Variants in SLC9D1 observed in about 807,000 individuals in gnomAD.
The protein encoded by SLC9D1 is solute carrier family 9 member D1.
chr13:113,510,166 C>T, the SLC9D1 span: 28 of 1,366,418 alleles, frequency 2.0e-5, no homozygotes, highest in Admixed American at 1.3e-4. Context: ...TGCAGAAATG[C>T]GTGAAGTCTG....
chr13:113,547,407 C>G, the SLC9D1 span: 2 of 1,576,536 alleles, frequency 1.3e-6, no homozygotes, highest in African/African-American at 1.3e-5. Flanking sequence ...CCACGCCCCT[C>G]GCAGTTTGCA....
the SLC9D1 span, chr13:113,547,126 G>A: frequency 4.3e-5 from 26 of 607,472 alleles, no homozygotes; most frequent in African/African-American, 4.3e-4. Context: ...TCCCCGGTTC[G>A]CTCAGGAAAG....
the SLC9D1 span, chr13:113,495,729 G>GTCC: frequency 6.2e-7 from 1 of 1,613,948 alleles, no homozygotes; most frequent in East Asian, 2.2e-5. Flanking sequence ...CCGGCAGTGG[G>GTCC]TCCGGGACAG....
the SLC9D1 span, chr13:113,495,721 G>C: frequency 1.9e-6 from 3 of 1,613,484 alleles, no homozygotes; most frequent in Non-Finnish European, 2.5e-6. Context: ...ATGCAGAGCC[G>C]GCAGTGGGTC....
At chr13:113,530,821 A>G in the SLC9D1 span, among the ~76,000 whole-genome samples, 1 of 152,220 alleles carries the variant, frequency 6.6e-6, no homozygotes, top group Non-Finnish European at 1.5e-5. Context: ...ATACCTTAAT[A>G]AGAAAAATAT....
At chr13:113,505,477 A>T in the SLC9D1 span, 1 of 152,246 alleles carries the variant, frequency 6.6e-6, no homozygotes, top group Non-Finnish European at 1.5e-5. Flanking sequence ...CTGCGGCGTG[A>T]CTACCATGGA....
At chr13:113,511,376 C>T in the SLC9D1 span, among the ~76,000 whole-genome samples, 3 of 152,216 alleles carry the variant, frequency 2.0e-5, no homozygotes, top group African/African-American at 7.2e-5. Context: ...AGGCTCTGTG[C>T]CGGCAACTGA....
the SLC9D1 span, chr13:113,548,542 A>G: frequency 7.0e-7 from 1 of 1,428,574 alleles, no homozygotes; most frequent in South Asian, 1.4e-5. Flanking sequence ...GCTCGGCAGC[A>G]CAGCGGGGCC....
chr13:113,510,091 C>T, the SLC9D1 span: 6 of 706,576 alleles, frequency 8.5e-6, no homozygotes, highest in Middle Eastern at 2.9e-4. Flanking sequence ...TGTGAGGATT[C>T]ACCATGTTCA....
chr13:113,532,824 G>A, the SLC9D1 span, among the ~76,000 whole-genome samples: 379 of 135,642 alleles, frequency 2.8e-3, no homozygotes, highest in African/African-American at 9.7e-3. Context: ...TCTGAAGGAC[G>A]CTGCCTCCCT....
chr13:113,513,601 A>G, the SLC9D1 span, among the ~76,000 whole-genome samples: 1 of 152,218 alleles, frequency 6.6e-6, no homozygotes, highest in African/African-American at 2.4e-5. Flanking sequence ...CCCACAGCAC[A>G]GTTAGAAATT....
At chr13:113,538,585 C>T in the SLC9D1 span, among the ~76,000 whole-genome samples, 2 of 152,242 alleles carry the variant, frequency 1.3e-5, no homozygotes, top group South Asian at 2.1e-4. Flanking sequence ...TTCCGTCTTT[C>T]GTGGGTCTCT....
At chr13:113,498,466 C>T in the SLC9D1 span, 2 of 1,592,874 alleles carry the variant, frequency 1.3e-6, no homozygotes, top group African/African-American at 1.4e-5. Flanking sequence ...GTAAGAAAGG[C>T]AGCGGATCGT....
At chr13:113,516,691 G>A in the SLC9D1 span, among the ~76,000 whole-genome samples, 1 of 152,132 alleles carries the variant, frequency 6.6e-6, no homozygotes, top group East Asian at 1.9e-4. Context: ...TTCTTACATG[G>A]ATTTTGATGC....
At chr13:113,547,754 A>G in the SLC9D1 span, among the ~76,000 whole-genome samples, 2 of 152,152 alleles carry the variant, frequency 1.3e-5, no homozygotes, top group Non-Finnish European at 2.9e-5. Flanking sequence ...CCAGTGATCG[A>G]GCTGCCTGTG....
chr13:113,545,406 A>G, the SLC9D1 span, among the ~76,000 whole-genome samples: 1 of 152,232 alleles, frequency 6.6e-6, no homozygotes, highest in Non-Finnish European at 1.5e-5. Flanking sequence ...TACACCAAGT[A>G]TAGGTTTGAT....
At chr13:113,523,023 ATATAATTATTTT>A in the SLC9D1 span, among the ~76,000 whole-genome samples, 3 of 152,072 alleles carry the variant, frequency 2.0e-5, no homozygotes, top group East Asian at 5.8e-4. Flanking sequence ...TGGTTTAGGT[ATATAATTATTTT>A]TATACATTGC....
chr13:113,537,299 C>A, the SLC9D1 span, among the ~76,000 whole-genome samples: 1 of 152,202 alleles, frequency 6.6e-6, no homozygotes, highest in Non-Finnish European at 1.5e-5. Flanking sequence ...ATCCACCTCC[C>A]CAAAGGAATC....
At chr13:113,497,457 A>ATGAGACCTGCAGCTGTG in the SLC9D1 span, among the ~76,000 whole-genome samples, 9 of 120,212 alleles carry the variant, frequency 7.5e-5, no homozygotes, top group Non-Finnish European at 1.3e-4. Context: ...CTGCAGCTGT[A>ATGAGACCTGCAGCTGTG]TGAGACCTGC....
Sources: allele counts gnomAD v4.1 joint callset (sites outside exome capture counted in the v4.1 genomes callset), GRCh38; gene constraint gnomAD v4.1.1; transcripts MANE v1.5; gene names NCBI Gene and HGNC (gene_info 2026-07-23, HGNC 2026-07-21).